ZBTB25: variants seen among roughly 807,000 people sequenced by gnomAD.
ZBTB25 encodes the protein zinc finger and BTB domain containing 25.
A neutral mutation model predicts 34.2 loss-of-function variants in ZBTB25; 20 were observed. That is an observed-to-expected ratio of 0.58 (90% CI 0.41 to 0.85). The LOEUF is 0.85. Among genes scored for constraint, ZBTB25 ranks in the 40% least tolerant of loss-of-function variants. ZBTB25 has a pLI of 0.00. For missense variants in ZBTB25, 437 were observed against 521.8 expected (o/e 0.84, Z 1.58); for synonymous variants, 175 against 186.4 (o/e 0.94, Z 0.50).
rs962487590 is a variant in ZBTB25 at position 64,486,634 on chromosome 14, G to A, written c.*289C>T. On this transcript the variant is annotated 3_prime_UTR_variant, in exon 3 of 3. Transcript: ENST00000608382. ...CTGATTCTATAACTGGAAAAACTTA[G>A]AATTCTATAAATAACTATTTAAGGT... The A allele has an allele frequency of 3.0e-6, 3 of 987,742 alleles. No individual in the cohort carries two copies. Among genetic ancestry groups the A allele is most frequent in the Non-Finnish European group, 3.7e-6 (3 of 809,088 alleles). 61.2% of individuals were successfully genotyped at this position (987,742 alleles called of 1,614,324 possible). A position where few individuals can be genotyped will look rare whatever the true frequency, so the allele number is the denominator to read the frequency against.
At chr14:64,456,090 TTTC>T (rs1406532490) in intron 2 of ZBTB25, among the ~76,000 whole-genome samples, 1 of 152,222 alleles carries the variant, frequency 6.6e-6, no homozygotes, top group Non-Finnish European at 1.5e-5. Flanking sequence ...AGCTGTACTC[TTTC>T]TTGTCACTTT....
intron 2 of ZBTB25, among the ~76,000 whole-genome samples, chr14:64,459,482 G>A (rs578145422): frequency 1.4e-5 from 2 of 146,564 alleles, no homozygotes; most frequent in Non-Finnish European, 3.1e-5. Context: ...TTTGATGCTA[G>A]AACACTATTC....
chr14:64,488,264 C>T (rs894031115), intron 2 of ZBTB25, among the ~76,000 whole-genome samples: 2 of 152,114 alleles, frequency 1.3e-5, no homozygotes, highest in Non-Finnish European at 2.9e-5. Context: ...ATTCAATCTA[C>T]TGCCTAAAGT....
rs2078821034 is a variant in ZBTB25 at position 64,483,532 on chromosome 14, C to T, written c.*3391G>A. On this transcript the variant is annotated 3_prime_UTR_variant, in exon 3 of 3. Coordinates refer to ENST00000608382, the MANE Select transcript of ZBTB25 (RefSeq NM_006977.5). ...GACCTCGTGACCCGCCCGCCTCGGC[C>T]TCCCAAAGTGCTGGGATTACAAGCA... 6.6e-6 allele frequency: 1 copy of T among 152,160 alleles called. No homozygotes were observed. The highest frequency in any genetic ancestry group is 1.5e-5 in the Non-Finnish European group (1 of 68,102). The allele number at this position is 152,160 out of a possible 1,614,324, so 9.4% of individuals were successfully genotyped here.
chr14:64,470,344 C>T (rs1023374648), intron 2 of ZBTB25: 2 of 166,710 alleles, frequency 1.2e-5, no homozygotes, highest in Non-Finnish European at 2.9e-5. Flanking sequence ...AATCCCAGCA[C>T]TTTGGGAGGC....
intron 1 of ZBTB25, among the ~76,000 whole-genome samples, chr14:64,495,372 A>C (rs2079233108): frequency 6.6e-6 from 1 of 152,198 alleles, no homozygotes; most frequent in Non-Finnish European, 1.5e-5. Context: ...GTTTGCAAGA[A>C]ATTCAAGCAG....
At chr14:64,460,032 C>A in intron 2 of ZBTB25, 4 of 976,718 alleles carry the variant, frequency 4.1e-6, no homozygotes, top group Admixed American at 2.4e-5. Context: ...TGAATTACAG[C>A]CTTAACAGAC....
chr14:64,454,730 G>A (rs1402337625), intron 2 of ZBTB25: 13 of 1,613,388 alleles, frequency 8.1e-6, no homozygotes, highest in Non-Finnish European at 1.1e-5. Flanking sequence ...CAGGGCTTTG[G>A]GAATCTCCCC....
In ZBTB25 at chr14:64,503,658, T is replaced by A. The variant is rs2079574219; in HGVS notation, c.-8+3A>T. 3 of 965,292 alleles carry A rather than the reference T, an allele frequency of 3.1e-6. No individual in the cohort carries two copies. The highest frequency in any genetic ancestry group is 3.7e-6 in the Non-Finnish European group (3 of 811,950). 59.8% of individuals were successfully genotyped at this position (965,292 alleles called of 1,614,324 possible). On this transcript the variant is annotated splice_donor_region_variant and intron_variant, in intron 1 of 2. Coordinates refer to ENST00000608382, the MANE Select transcript of ZBTB25 (RefSeq NM_006977.5). ...CCCACAGGGGCAGGACCGCGTCGCT[T>A]ACCCAGATGCCGCCGCGGCGGCAGG...
Position 64,485,919 on chromosome 14 carries a change from T to C in ZBTB25, c.*1004A>G. ...GTCAATGCAGTTCTAGCTCAGTCTCTGTCTCTGCATGCTTATTTATCTATG... is the reference window on the plus strand; with the variant it reads ...GTCAATGCAGTTCTAGCTCAGTCTCCGTCTCTGCATGCTTATTTATCTATG... On this transcript the variant is annotated 3_prime_UTR_variant, in exon 3 of 3. Coordinates refer to ENST00000608382, the MANE Select transcript of ZBTB25 (RefSeq NM_006977.5). 1 of 985,458 alleles carries C rather than the reference T, an allele frequency of 1.0e-6. No homozygotes were observed. The highest frequency in any genetic ancestry group is 1.2e-6 in the Non-Finnish European group (1 of 829,926). The allele number at this position is 985,458 out of a possible 1,614,324, so 61.0% of individuals were successfully genotyped here.
At position 64,487,348 on chromosome 14, in the gene ZBTB25, G is replaced by C; in HGVS notation, c.883C>G (p.Arg295Gly). Residue 295 changes from arginine to glycine, a missense_variant, in exon 3 of 3, where the codon CGC becomes GGC. Arg to Gly is a moderately radical substitution (Grantham distance 125, BLOSUM62 -2). Transcript: ENST00000608382. ...TTAACAATGAAGGAGCTGAGCCTGC[G>C]GCATTCAAGGGCCTCGCTGTTTTCA... ...LNENSEALEC[R>G]RLSSFIVKEN... 1 of 1,613,994 alleles carries C rather than the reference G, an allele frequency of 6.2e-7. No homozygotes were observed.
chr14:64,490,528 G>A lies in ZBTB25; in HGVS notation c.6C>T (p.Asp2=). The change falls in exon 2 of 3, where the codon GAC becomes GAT. Residue 2 remains aspartate (D), a synonymous_variant. Coordinates refer to ENST00000608382, the MANE Select transcript of ZBTB25 (RefSeq NM_006977.5). M[D]TASHSLVLLQ... ...GAAGAACAAGGCTATGGCTGGCAGT[G>A]TCCATTGTGGTTCTGAAAAAAAGGA... 1 of 1,609,388 alleles carries A rather than the reference G, an allele frequency of 6.2e-7. No homozygotes were observed. The highest frequency in any genetic ancestry group is 8.5e-7 in the Non-Finnish European group (1 of 1,177,448).
chr14:64,472,353 C>T (rs1244106227), intron 2 of ZBTB25: 1 of 166,774 alleles, frequency 6.0e-6, no homozygotes, highest in East Asian at 1.9e-4. Flanking sequence ...ATCTCATGAA[C>T]AAGCAAAAAG....
At chr14:64,467,431 T>C (rs1000765354) in intron 2 of ZBTB25, 10 of 152,182 alleles carry the variant, frequency 6.6e-5, no homozygotes, top group Non-Finnish European at 1.5e-4. Context: ...TGGAAACATG[T>C]GATACAGCAG....
At chr14:64,464,279 C>T (rs2078587480) in intron 2 of ZBTB25, among the ~76,000 whole-genome samples, 1 of 141,858 alleles carries the variant, frequency 7.0e-6, no homozygotes, top group Non-Finnish European at 1.6e-5. Context: ...CATCCTCCTG[C>T]CTTGGCCTCC....
At chr14:64,449,816 T>G (rs2078341338) in intron 2 of ZBTB25, among the ~76,000 whole-genome samples, 1 of 152,174 alleles carries the variant, frequency 6.6e-6, no homozygotes, top group Non-Finnish European at 1.5e-5. Context: ...TGAGACGGAG[T>G]CTTGCTCTTT....
Position 64,503,218 on chromosome 14 carries a change from G to C in ZBTB25, c.-8+443C>G, listed in dbSNP as rs1226584353. The C allele has an allele frequency of 5.1e-6, 5 of 985,450 alleles. No homozygotes were observed. The South Asian group carries it at 2.3e-4, about 46-fold the overall frequency. 61.0% of individuals were successfully genotyped at this position (985,450 alleles called of 1,614,324 possible). On this transcript the variant is annotated intron_variant, in intron 1 of 2. Transcript: ENST00000608382. ...GGATGTCTTCTTGCCCTAGAAACGA[G>C]GTAATCACAAGCTGGGAGTGGAAAC...
At chr14:64,502,353 C>T (rs2140033043) in intron 1 of ZBTB25, among the ~76,000 whole-genome samples, 1 of 152,338 alleles carries the variant, frequency 6.6e-6, no homozygotes, top group East Asian at 1.9e-4. Flanking sequence ...TGTCATATCC[C>T]ATCAGTGTTC....
chr14:64,466,398 T>C (rs186187429), intron 2 of ZBTB25, among the ~76,000 whole-genome samples: 1 of 152,346 alleles, frequency 6.6e-6, no homozygotes, highest in Admixed American at 6.5e-5. Flanking sequence ...GCAATCCAGG[T>C]TAGTTTCCAA....
Sources: gnomAD v4.1 joint callset for allele counts (sites outside exome capture counted in the v4.1 genomes callset) on GRCh38, gnomAD v4.1.1 for gene constraint, MANE v1.5 for transcripts, NCBI Gene and HGNC (gene_info 2026-07-23, HGNC 2026-07-21) for gene names.